Variants in VPS45 observed in about 807,000 individuals in gnomAD.
The protein encoded by VPS45 is vacuolar protein sorting 45 homolog, also known as vacuolar protein sorting-associated protein 45.
A neutral mutation model predicts 75.9 loss-of-function variants in VPS45; 35 were observed. That is an observed-to-expected ratio of 0.46 (90% confidence interval 0.35 to 0.61). The LOEUF (loss-of-function observed/expected upper bound fraction) is 0.61. Among genes scored for constraint, VPS45 ranks in the 20% least tolerant of loss-of-function variants. The pLI, the probability that VPS45 is intolerant of heterozygous loss-of-function variation, is 0.00. For synonymous variants in VPS45, 220 were observed against 238.2 expected (o/e 0.92, Z 0.70); for missense variants, 559 against 685.9 (o/e 0.81, Z 2.07).
At chr1:150,101,193 G>C (rs1553804195) in intron 13 of VPS45, among the ~76,000 whole-genome samples, 5 of 145,268 alleles carry the variant, frequency 3.4e-5, no homozygotes, top group Non-Finnish European at 5.9e-5. Flanking sequence ...CTTGAACCTG[G>C]GGAGATGGAG....
chr1:150,081,477 G>C lies in VPS45; in HGVS notation c.822+1G>C. The C allele has an allele frequency of 1.9e-6, 3 of 1,594,500 alleles. No individual in the cohort carries two copies. Among genetic ancestry groups the C allele is most frequent in the Non-Finnish European group, 2.6e-6 (3 of 1,175,452 alleles). ...TGAAAATGATGAATTCTATGCTAAT[G>C]TAGGTGGTTTAAATTTTTTTAAATT... On this transcript the variant is annotated splice_donor_variant, in intron 8 of 14. Transcript: ENST00000644510. LOFTEE classifies it high-confidence loss of function.
intron 13 of VPS45, among the ~76,000 whole-genome samples, chr1:150,104,835 C>A (rs1657232732): frequency 6.6e-6 from 1 of 152,186 alleles, no homozygotes; most frequent in Admixed American, 6.5e-5. Flanking sequence ...TCAAGCGATC[C>A]ACCTGCCTTG....
intron 14 of VPS45, among the ~76,000 whole-genome samples, chr1:150,127,488 A>G (rs996224937): frequency 1.3e-5 from 2 of 152,230 alleles, no homozygotes; most frequent in East Asian, 1.9e-4. Context: ...GGGTCTTGCT[A>G]TGTTGTCCAG....
intron 2 of VPS45, among the ~76,000 whole-genome samples, chr1:150,070,823 A>G (rs1202385949): frequency 1.3e-5 from 2 of 151,598 alleles, no homozygotes; most frequent in African/African-American, 4.8e-5. Context: ...ATAATAATAA[A>G]ATAAAAATTA....
At chr1:150,137,811 A>G (rs1371885335) in intron 14 of VPS45, among the ~76,000 whole-genome samples, 4 of 145,138 alleles carry the variant, frequency 2.8e-5, no homozygotes, top group African/African-American at 1.0e-4. Flanking sequence ...GCTACTCAGG[A>G]GGCTGAGGCA....
At chr1:150,129,594 C>T (rs1291799813) in intron 14 of VPS45, among the ~76,000 whole-genome samples, 1 of 152,050 alleles carries the variant, frequency 6.6e-6, no homozygotes, top group African/African-American at 2.4e-5. Context: ...GAGTCTTGCT[C>T]TGTCACCCAG....
At chr1:150,126,250 G>A (rs982976533) in intron 14 of VPS45, among the ~76,000 whole-genome samples, 5 of 151,760 alleles carry the variant, frequency 3.3e-5, no homozygotes, top group African/African-American at 1.2e-4. Flanking sequence ...TCACTCTGTC[G>A]CCCATGCTGG....
chr1:150,132,518 C>A (rs1377673191), intron 14 of VPS45, among the ~76,000 whole-genome samples: 1 of 152,192 alleles, frequency 6.6e-6, no homozygotes, highest in Non-Finnish European at 1.5e-5. Context: ...ATATTCAACA[C>A]AGCCCTGAGT....
chr1:150,140,646 A>G (rs1315794595), intron 14 of VPS45, among the ~76,000 whole-genome samples: 1 of 152,052 alleles, frequency 6.6e-6, no homozygotes, highest in Non-Finnish European at 1.5e-5. Flanking sequence ...CATAGTAGAC[A>G]CTCAGTAAAT....
At chr1:150,084,965 G>C (rs1009275952) in intron 10 of VPS45, among the ~76,000 whole-genome samples, 1 of 152,040 alleles carries the variant, frequency 6.6e-6, no homozygotes, top group Admixed American at 6.6e-5. Context: ...ACCTGTGGGT[G>C]CTCTAGTTAT....
chr1:150,099,274 G>T (rs1274670061), intron 13 of VPS45, among the ~76,000 whole-genome samples: 4 of 151,854 alleles, frequency 2.6e-5, no homozygotes, highest in Non-Finnish European at 5.9e-5. Context: ...AGGTGGGGCA[G>T]ATCAGAGGTC....
chr1:150,136,295 T>G (rs906915822), intron 14 of VPS45, among the ~76,000 whole-genome samples: 3 of 146,894 alleles, frequency 2.0e-5, no homozygotes, highest in Non-Finnish European at 3.0e-5. Context: ...GGTTCACACC[T>G]GTAATCTCGG....
chr1:150,107,978 T>G (rs1571875291), intron 13 of VPS45, among the ~76,000 whole-genome samples: 1 of 152,138 alleles, frequency 6.6e-6, no homozygotes, highest in East Asian at 1.9e-4. Context: ...TGAGCTGGCT[T>G]ATGCTTTTCC....
In VPS45 at chr1:150,131,676, T is replaced by TAA. The variant is rs34119963; in HGVS notation, c.1626-13020_1626-13019dup. ...AAAGCCCAGACTCTTTTTTTGTCTCTAAAAAAAAAAAAAAGTATTTTTAGC... is the reference window on the plus strand; with the variant it reads ...AAAGCCCAGACTCTTTTTTTGTCTCTAAAAAAAAAAAAAAAAGTATTTTTAGC... On this transcript the variant is annotated intron_variant, in intron 14 of 14. Coordinates refer to ENST00000644510, the MANE Select transcript of VPS45 (RefSeq NM_007259.5). 7.5e-4 allele frequency among the ~76,000 whole-genome samples: 105 copies of TAA among 139,180 alleles called. 6 individuals carry two copies. The highest frequency in any genetic ancestry group is 3.7e-3 in the Middle Eastern group (1 of 268). 91.3% of individuals were successfully genotyped at this position (139,180 alleles called of 152,430 possible).
At chr1:150,128,500 G>A (rs1658638188) in intron 14 of VPS45, among the ~76,000 whole-genome samples, 1 of 152,098 alleles carries the variant, frequency 6.6e-6, no homozygotes, top group African/African-American at 2.4e-5. Flanking sequence ...GAGGCTGGTA[G>A]GGGGCTGATT....
intron 13 of VPS45, among the ~76,000 whole-genome samples, chr1:150,094,876 T>C (rs1407422240): frequency 6.6e-6 from 1 of 152,240 alleles, no homozygotes; most frequent in Non-Finnish European, 1.5e-5. Context: ...ATATGATCAG[T>C]ACACAGCAGG....
chr1:150,124,898 G>GT (rs1235871175), intron 14 of VPS45, among the ~76,000 whole-genome samples: 11 of 151,394 alleles, frequency 7.3e-5, no homozygotes, highest in Non-Finnish European at 1.6e-4. Context: ...TTAGAATTTT[G>GT]TTTATGTTTT....
intron 14 of VPS45, among the ~76,000 whole-genome samples, chr1:150,132,446 T>C (rs1658883937): frequency 6.6e-6 from 1 of 152,254 alleles, no homozygotes; most frequent in Non-Finnish European, 1.5e-5. Context: ...TTCTACCAAT[T>C]TTAAAGAGCC....
chr1:150,144,290 A>G (rs1213685811), intron 14 of VPS45, among the ~76,000 whole-genome samples: 2 of 152,096 alleles, frequency 1.3e-5, no homozygotes, highest in African/African-American at 4.8e-5. Flanking sequence ...GCCACTCTGG[A>G]GAGTAGATTG....
Sources: gnomAD v4.1 joint callset for allele counts (sites outside exome capture counted in the v4.1 genomes callset) on GRCh38, gnomAD v4.1.1 for gene constraint, MANE v1.5 for transcripts, NCBI Gene and HGNC (gene_info 2026-07-23, HGNC 2026-07-21) for gene names.